The following ZFHX3 variants were observed in gnomAD, a reference collection of about 807,000 sequenced individuals.
ZFHX3 encodes zinc finger homeobox protein 3.
ZFHX3 carries 42 observed loss-of-function variants against 279.1 expected under a neutral mutation model. The observed-to-expected ratio is 0.15, with a 90% CI of 0.12 to 0.19. ZFHX3 has a LOEUF of 0.19. ZFHX3 is among the 10% of genes least tolerant of loss of function. ZFHX3 has a pLI of 1.00. For synonymous variants in ZFHX3, 2,293 were observed against 1,957.8 expected (o/e 1.17, Z -4.52); for missense variants, 4,981 against 4,754.0 (o/e 1.05, Z -1.40).
rs1178833886 is a variant in ZFHX3 at position 72,797,174 on chromosome 16, C to T, written c.5508G>A (p.Lys1836=). ...GTGPGLLEDL[K]AQVQVPQQSH... ...TCTGCTGTGGGACCTGAACCTGAGC[C>T]TTCAGATCTTCCAGCAGGCCTGGGC... The change falls in exon 9 of 10, where the codon AAG becomes AAA. Residue 1836 remains lysine (K), a synonymous_variant. Coordinates refer to ENST00000268489, the MANE Select transcript of ZFHX3 (RefSeq NM_006885.4). 2 of 1,614,054 alleles carry T rather than the reference C, an allele frequency of 1.2e-6. No homozygotes were observed. Among genetic ancestry groups the T allele is most frequent in the South Asian group, 1.1e-5 (1 of 91,088 alleles).
chr16:73,206,056 C>T (rs1259740393), intron 5 of ZFHX3, among the ~76,000 whole-genome samples: 2 of 152,076 alleles, frequency 1.3e-5, no homozygotes, highest in Admixed American at 6.5e-5. Context: ...GATATTCTGC[C>T]GTGCTTATGT....
At chr16:73,247,875 A>C (rs62654020) in intron 5 of ZFHX3, among the ~76,000 whole-genome samples, 1 of 143,972 alleles carries the variant, frequency 6.9e-6, no homozygotes, top group African/African-American at 2.6e-5. Flanking sequence ...CGGAGTGTAT[A>C]AGTGTGTGTA....
At chr16:72,830,017 A>G (rs2037026553) in intron 4 of ZFHX3, among the ~76,000 whole-genome samples, 158 bp from the exon 5 acceptor site, 1 of 152,224 alleles carries the variant, frequency 6.6e-6, no homozygotes, top group Admixed American at 6.5e-5. Context: ...TGCTAAGGAT[A>G]TACTGAGGTC....
intron 2 of ZFHX3, among the ~76,000 whole-genome samples, chr16:73,474,080 T>C (rs963015617): frequency 1.4e-4 from 21 of 152,150 alleles, no homozygotes; most frequent in Non-Finnish European, 2.9e-4. Flanking sequence ...GAAACAAGAG[T>C]TGGAAACCAC....
At chr16:73,131,387 G>C (rs1229422914) in intron 6 of ZFHX3, among the ~76,000 whole-genome samples, 1 of 152,202 alleles carries the variant, frequency 6.6e-6, no homozygotes, top group Non-Finnish European at 1.5e-5. Flanking sequence ...GTTCTAGTAA[G>C]AATCCATTTC....
At chr16:73,358,403 G>A (rs950463200) in intron 3 of ZFHX3, among the ~76,000 whole-genome samples, 3 of 152,172 alleles carry the variant, frequency 2.0e-5, no homozygotes, top group Non-Finnish European at 2.9e-5. Context: ...GCGGGAAACC[G>A]AGCGCAGCCT....
intron 3 of ZFHX3, among the ~76,000 whole-genome samples, chr16:72,908,959 A>C (rs1371572011): frequency 6.6e-6 from 1 of 152,240 alleles, no homozygotes; most frequent in Admixed American, 6.5e-5. Context: ...TCCTTCCCAT[A>C]GAAACGGCGA....
intron 1 of ZFHX3, among the ~76,000 whole-genome samples, chr16:73,860,902 T>C (rs1387005879): frequency 6.6e-6 from 1 of 151,988 alleles, no homozygotes; most frequent in Non-Finnish European, 1.5e-5. Flanking sequence ...AAGTTCTATA[T>C]GGGGAGGGGA....
At chr16:73,004,321 CTTTTTTTTTT>C (rs34987461) in intron 1 of ZFHX3, among the ~76,000 whole-genome samples, 3 of 52,102 alleles carry the variant, frequency 5.8e-5, no homozygotes, top group African/African-American at 8.6e-5. Flanking sequence ...ATGCATCAAT[CTTTTTTTTTT>C]TTTTTTTTTT....
rs57993185 is a variant in ZFHX3, at chr16:73,381,726, A to C, written c.-1290-63390T>G. ...AAGAAGAAGAATTGTCTTGGGCCAC[A>C]CAAAACATATACTAACAATAACAAT... On this transcript the variant is annotated intron_variant, in intron 3 of 17. Transcript: ENST00000641206. Among the ~76,000 whole-genome samples the C allele has an allele frequency of 8.5e-5, 13 of 152,354 alleles. No homozygotes were observed. In the East Asian group the frequency reaches 2.1e-3, roughly 25 times the overall value.
upstream of ZFHX3, among the ~76,000 whole-genome samples, chr16:73,049,742 A>T (rs1405303414): frequency 6.6e-6 from 1 of 152,170 alleles, no homozygotes; most frequent in Non-Finnish European, 1.5e-5. Flanking sequence ...GCCAACAGGG[A>T]AGGTGGAGGA....
Position 72,829,848 on chromosome 16 carries a change from C to G in ZFHX3, c.3460G>C (p.Glu1154Gln). The G allele has an allele frequency of 6.2e-7, 1 of 1,614,200 alleles. No individual in the cohort carries two copies. The highest frequency in any genetic ancestry group is 8.5e-7 in the Non-Finnish European group (1 of 1,180,026). ...GTTTCACTGGGTCCTTCAACATCTT[C>G]AATGGCTTCTTCTGAAACAGAAGAA... ...CPSTDPEEAI[E>Q]DVEGPSETAA... The change falls in exon 5 of 10, where the codon GAA (glutamate) becomes CAA (glutamine). Residue 1154 changes from glutamate (E) to glutamine (Q), a missense_variant. By Grantham distance (29) the Glu-to-Gln change is conservative. This residue lies in a region of ZFHX3 where 1,751 missense variants were observed against 1,770.0 expected (regional missense o/e 0.99). Transcript: ENST00000268489.
chr16:73,341,877 T>C (rs959324986), intron 3 of ZFHX3, among the ~76,000 whole-genome samples: 2 of 152,210 alleles, frequency 1.3e-5, no homozygotes, highest in East Asian at 1.9e-4. Flanking sequence ...ATACAAAGTG[T>C]CTTAAATAGC....
chr16:73,372,995 G>T (rs1343978331), intron 3 of ZFHX3, among the ~76,000 whole-genome samples: 1 of 152,102 alleles, frequency 6.6e-6, no homozygotes, highest in East Asian at 1.9e-4. Context: ...ATGCTGTCAA[G>T]TTGCTTTCAC....
chr16:72,990,596 T>C (rs901198813), intron 1 of ZFHX3, among the ~76,000 whole-genome samples: 2 of 152,172 alleles, frequency 1.3e-5, no homozygotes, highest in Non-Finnish European at 2.9e-5. Flanking sequence ...AGCACCCTCT[T>C]CTTTCCAGTT....
intron 1 of ZFHX3, among the ~76,000 whole-genome samples, chr16:73,866,379 A>C (rs1389061339): frequency 6.6e-6 from 1 of 151,466 alleles, no homozygotes; most frequent in African/African-American, 2.4e-5. Context: ...GGGTTTCACC[A>C]TGTTGCCCTG....
rs2012557892 is a variant in ZFHX3, at chr16:73,225,286, G to C, written c.-1104+31761C>G. On this transcript the variant is annotated intron_variant, in intron 5 of 17. Coordinates refer to the ZFHX3 transcript ENST00000641206. The stretch of plus-strand genomic sequence containing the variant: ...GTAAACATTTGAGGCTTATTATTCT[G>C]AACAGCCCTATAGGCTATAAATCAA... 2.0e-5 allele frequency among the ~76,000 whole-genome samples: 3 copies of C among 152,114 alleles called. No homozygotes were observed. In the South Asian group the frequency reaches 6.2e-4, roughly 32 times the overall value.
chr16:73,004,159 CTTTTTTTTTTTTTTTTTTT>C (rs3081625), intron 1 of ZFHX3, among the ~76,000 whole-genome samples: 1 of 49,372 alleles, frequency 2.0e-5, no homozygotes, highest in Non-Finnish European at 3.3e-5. Flanking sequence ...AAAAACACGA[CTTTTTTTTTTTTTTTTTTT>C]TTTTTTAAGT....
chr16:73,738,230 T>C (rs2053625423), intron 1 of ZFHX3, among the ~76,000 whole-genome samples: 1 of 152,218 alleles, frequency 6.6e-6, no homozygotes, highest in Non-Finnish European at 1.5e-5. Context: ...ATGCTGTGAA[T>C]GGCACTGTAA....
Sources: allele counts gnomAD v4.1 joint callset (sites outside exome capture counted in the v4.1 genomes callset), GRCh38; gene constraint gnomAD v4.1.1; regional missense constraint gnomAD v4.1.1; transcripts MANE v1.5; gene names NCBI Gene and HGNC (gene_info 2026-07-23, HGNC 2026-07-21).